Variants in JADE3 observed in about 807,000 individuals in gnomAD.
JADE3 encodes the protein protein Jade-3.
Under a neutral mutation model 50.1 loss-of-function variants are expected in JADE3, and 2 were observed. The observed-to-expected ratio is 0.04, with a 90% CI of 0.02 to 0.13. The LOEUF is 0.13. JADE3 is among the 10% of genes least tolerant of loss of function. The pLI is 1.00. For missense variants in JADE3, 475 were observed against 634.4 expected, an observed-to-expected ratio of 0.75 and a Z score of 2.70; for synonymous variants, 218 against 232.9, an observed-to-expected ratio of 0.94 and a Z score of 0.58.
intron 10 of JADE3, among the ~76,000 whole-genome samples, chrX:47,057,158 G>A (rs782185427): frequency 9.0e-6 from 1 of 111,702 alleles, no homozygotes; most frequent in Non-Finnish European, 1.9e-5. Context: ...GCCTTCTGAT[G>A]TGTAGGAGTC....
At chrX:47,000,293 T>C (rs1928249028) in intron 4 of JADE3, among the ~76,000 whole-genome samples, 1 of 111,544 alleles carries the variant, frequency 9.0e-6, no homozygotes, top group African/African-American at 3.3e-5. Flanking sequence ...AGTATTTTTA[T>C]ACAAATATAG....
intron 1 of JADE3, among the ~76,000 whole-genome samples, chrX:46,957,856 CCTAA>C (rs1409030769): frequency 8.9e-5 from 10 of 112,089 alleles, no homozygotes; most frequent in Admixed American, 5.7e-4. Context: ...TTGATGGAAA[CCTAA>C]CTACTTTCTG....
At chrX:47,048,164 G>A (rs1929418852) in intron 8 of JADE3, among the ~76,000 whole-genome samples, 2 of 111,523 alleles carry the variant, frequency 1.8e-5, no homozygotes, top group South Asian at 7.6e-4. Flanking sequence ...CTGATAGAAG[G>A]TGCCCCAAAG....
intron 5 of JADE3, among the ~76,000 whole-genome samples, chrX:47,026,494 T>C (rs962473): frequency 9.3e-6 from 1 of 107,900 alleles, no homozygotes; most frequent in Non-Finnish European, 1.9e-5. Flanking sequence ...GATTTCAAGG[T>C]TTTTTTTTCC....
At chrX:46,931,662 G>A (rs941954823) in intron 1 of JADE3, among the ~76,000 whole-genome samples, 2 of 110,941 alleles carry the variant, frequency 1.8e-5, no homozygotes, top group Admixed American at 9.6e-5. Flanking sequence ...AACCTCAGGC[G>A]ATCCACCTGC....
intron 6 of JADE3, among the ~76,000 whole-genome samples, chrX:47,033,150 G>A (rs1157610970): frequency 2.7e-5 from 3 of 112,251 alleles, no homozygotes; most frequent in Non-Finnish European, 5.6e-5. Context: ...TGCACCAGGC[G>A]TTAATAGGCT....
intron 2 of JADE3, 102 bp downstream of exon 2, chrX:46,985,042 T>A (rs1927833234): frequency 6.1e-6 from 4 of 659,963 alleles, no homozygotes; most frequent in Non-Finnish European, 9.5e-6. Context: ...TTTCAATGGT[T>A]GAAAAATGTT....
intron 7 of JADE3, among the ~76,000 whole-genome samples, chrX:47,038,654 T>TAAA (rs567645944): frequency 3.7e-4 from 27 of 73,050 alleles, no homozygotes; most frequent in East Asian, 1.7e-3. Flanking sequence ...ACCTTGTCTC[T>TAAA]AAAAAAAAAA....
chrX:46,985,844 C>A, intron 3 of JADE3, 52 bp downstream of exon 3: 1 of 808,017 alleles, frequency 1.2e-6, no homozygotes, highest in Non-Finnish European at 1.9e-6. Context: ...GGATGCTTGT[C>A]TTCCAAAACC....
At chrX:47,053,068 T>A (rs1163386104) in intron 8 of JADE3, among the ~76,000 whole-genome samples, 1 of 109,311 alleles carries the variant, frequency 9.1e-6, no homozygotes, top group Admixed American at 9.8e-5. Context: ...AAAATTTTTT[T>A]AAAAAATGAA....
chrX:46,912,331 A>T (rs2147098390), upstream of JADE3: 1 of 111,722 alleles, frequency 9.0e-6, no homozygotes, highest in Non-Finnish European at 1.9e-5. Context: ...GACGGCTGGG[A>T]GCCGCTCCGG....
chrX:46,985,983 C>T (rs782224521), intron 3 of JADE3, among the ~76,000 whole-genome samples, 191 bp downstream of exon 3: 1 of 110,784 alleles, frequency 9.0e-6, no homozygotes, highest in Non-Finnish European at 1.9e-5. Context: ...TTTTTCACTC[C>T]GTTAGTTCCC....
At chrX:47,040,307 G>A (rs1326386558) in intron 8 of JADE3, among the ~76,000 whole-genome samples, 3 of 112,044 alleles carry the variant, frequency 2.7e-5, no homozygotes, top group Non-Finnish European at 5.6e-5. Flanking sequence ...GAACCGGGCC[G>A]CACAGCAGGA....
rs376839307 is a variant in JADE3 at position 46,913,580 on chromosome X, T to TG, written c.-12+861_-12+862insG. Among the ~76,000 whole-genome samples, 19 of 111,321 alleles carry TG rather than the reference T, an allele frequency of 1.7e-4. 1 individual carries two copies. Among genetic ancestry groups the TG allele is most frequent in the African/African-American group, 5.9e-4 (18 of 30,614 alleles). Reference sequence around the variant, plus strand: ...TTTTTTGTTTTGTTTTGTTTTGTTTTTTGTTTGTTTGTTGTTTTTTTTAAT... The same window carrying TG: ...TTTTTTGTTTTGTTTTGTTTTGTTTTGTTGTTTGTTTGTTGTTTTTTTTAAT... On this transcript the variant is annotated intron_variant, in intron 1 of 10. Transcript: ENST00000614628.
intron 3 of JADE3, among the ~76,000 whole-genome samples, chrX:46,997,781 TTAAC>T (rs1445318330): frequency 1.8e-5 from 2 of 112,438 alleles, no homozygotes; most frequent in South Asian, 3.7e-4. Flanking sequence ...CAAATAATTA[TTAAC>T]TATCAGTGGA....
At chrX:47,028,145 T>C (rs1351315820) in intron 6 of JADE3, 42 bp downstream of exon 6, 15 of 973,457 alleles carry the variant, frequency 1.5e-5, no homozygotes, top group Non-Finnish European at 1.9e-5. Context: ...CGGTCAGCCT[T>C]TCTGAAGCTC....
At chrX:46,947,512 A>G (rs1388671812) in intron 1 of JADE3, among the ~76,000 whole-genome samples, 3 of 111,615 alleles carry the variant, frequency 2.7e-5, no homozygotes, top group Non-Finnish European at 5.7e-5. Context: ...AATATAAACT[A>G]CAGTTGCTTG....
chrX:47,010,251 G>A (rs1556361266), intron 4 of JADE3, among the ~76,000 whole-genome samples: 1 of 109,944 alleles, frequency 9.1e-6, no homozygotes, highest in East Asian at 2.9e-4. Flanking sequence ...ATTTTGAGAC[G>A]GAGTTTCGCT....
chrX:47,010,031 T>G (rs1928522982), intron 4 of JADE3, among the ~76,000 whole-genome samples: 1 of 110,642 alleles, frequency 9.0e-6, no homozygotes, highest in Non-Finnish European at 1.9e-5. Context: ...GAGTTTAATG[T>G]AAGTAGACAT....
Sources: gnomAD v4.1 joint callset for allele counts (sites outside exome capture counted in the v4.1 genomes callset) on GRCh38, gnomAD v4.1.1 for gene constraint, MANE v1.5 for transcripts, NCBI Gene and HGNC (gene_info 2026-07-23, HGNC 2026-07-21) for gene names.